Variants in MYO10 observed in about 807,000 individuals in gnomAD.
The protein encoded by MYO10 is myosin X.
In MYO10, 133 loss-of-function variants were observed where a neutral mutation model predicts 257.3. The observed-to-expected ratio is 0.52, with a 90% CI of 0.45 to 0.60. MYO10 has a LOEUF of 0.60. Ranked by LOEUF, MYO10 falls within the 20% of genes least tolerant of loss-of-function variation. The pLI is 0.00. For synonymous variants in MYO10, 1,104 were observed against 1,028.6 expected (o/e 1.07, Z -1.40); for missense variants, 2,399 against 2,635.7 (o/e 0.91, Z 1.97).
chr5:16,793,677 C>G (rs1741839618), intron 4 of MYO10, among the ~76,000 whole-genome samples: 1 of 152,122 alleles, frequency 6.6e-6, no homozygotes, highest in African/African-American at 2.4e-5. Context: ...CGCCTGTAAT[C>G]CCAGCACTTT....
rs769243998 is a variant in MYO10 at position 16,725,404 on chromosome 5, A to G, written c.1930-14159T>C. Reference sequence around the variant, plus strand: ...CCACTGTGCCCAGCCAAAATACTACATCTTAAATTGAAAATCGAGTAATAA... The same window carrying G: ...CCACTGTGCCCAGCCAAAATACTACGTCTTAAATTGAAAATCGAGTAATAA... On this transcript the variant is annotated intron_variant, in intron 19 of 40. Transcript: ENST00000513610. 6.1e-4 allele frequency among the ~76,000 whole-genome samples: 93 copies of G among 152,060 alleles called. 1 individual carries two copies. Among genetic ancestry groups the G allele is most frequent in the Non-Finnish European group, 9.3e-4 (63 of 67,970 alleles).
At chr5:16,815,221 T>C (rs1742567786) in intron 3 of MYO10, 2 of 471,316 alleles carry the variant, frequency 4.2e-6, no homozygotes, top group Non-Finnish European at 3.7e-6. Context: ...TTTCAAAATA[T>C]AGATTGAGCA....
At chr5:16,930,805 C>T (rs1325936631) in intron 1 of MYO10, among the ~76,000 whole-genome samples, 2 of 152,154 alleles carry the variant, frequency 1.3e-5, no homozygotes, top group Non-Finnish European at 2.9e-5. Flanking sequence ...GGGAGCCAAG[C>T]GCTACTGCTA....
At chr5:16,846,569 C>A (rs911768371) in intron 2 of MYO10, among the ~76,000 whole-genome samples, 4 of 152,172 alleles carry the variant, frequency 2.6e-5, no homozygotes, top group Non-Finnish European at 5.9e-5. Flanking sequence ...ATAGTTGAAA[C>A]CGGTTGAGAA....
intron 19 of MYO10, among the ~76,000 whole-genome samples, chr5:16,727,875 C>CAAAAAAA (rs527975903): frequency 1.1e-5 from 1 of 93,984 alleles, no homozygotes; most frequent in African/African-American, 3.5e-5. Flanking sequence ...CCCCCCAGCC[C>CAAAAAAA]AAAAAAAAAA....
At position 16,676,038 on chromosome 5, in the gene MYO10, A is replaced by AT; in HGVS notation, c.4658dup (p.Asn1553LysfsTer16). 6.2e-7 allele frequency: 1 copy of AT among 1,607,950 alleles called. No homozygotes were observed. Among genetic ancestry groups the AT allele is most frequent in the Non-Finnish European group, 8.5e-7 (1 of 1,178,080 alleles). ...GTGGAGCTCTGGACTTACAGTTGAG[A>AT]TTTATGTCCCCATACGGAAGGGGCA... On this transcript the variant is annotated frameshift_variant, in exon 34 of 41. Transcript: ENST00000513610. LOFTEE classifies it high-confidence loss of function.
chr5:16,925,127 G>A (rs576151610), intron 1 of MYO10, among the ~76,000 whole-genome samples: 19 of 152,050 alleles, frequency 1.2e-4, no homozygotes, highest in Non-Finnish European at 2.4e-4. Context: ...CACTGCACCC[G>A]GCCTATCACT....
intron 2 of MYO10, among the ~76,000 whole-genome samples, chr5:16,841,898 G>T (rs866151886): frequency 1.7e-4 from 25 of 151,256 alleles, no homozygotes; most frequent in African/African-American, 5.8e-4. Context: ...TTACGGTTAT[G>T]TTTCAAACAC....
chr5:16,821,271 G>A (rs1742800551), intron 2 of MYO10, among the ~76,000 whole-genome samples: 1 of 148,406 alleles, frequency 6.7e-6, no homozygotes, highest in African/African-American at 2.5e-5. Context: ...CCTCCTATGT[G>A]TACATCCTAT....
intron 36 of MYO10, among the ~76,000 whole-genome samples, chr5:16,673,211 A>C (rs1579793452): frequency 6.7e-6 from 1 of 148,430 alleles, no homozygotes; most frequent in African/African-American, 2.5e-5. Flanking sequence ...TTTCCATAAG[A>C]AGCCTTGGGG....
chr5:16,736,775 C>T (rs1739821771), intron 19 of MYO10, among the ~76,000 whole-genome samples: 1 of 152,184 alleles, frequency 6.6e-6, no homozygotes, highest in Non-Finnish European at 1.5e-5. Flanking sequence ...AATTTTCCTT[C>T]TGCAATTCCT....
In MYO10 at chr5:16,719,701, C is replaced by T. The variant is rs182378277; in HGVS notation, c.1930-8456G>A. On this transcript the variant is annotated intron_variant, in intron 19 of 40. Transcript: ENST00000513610. ...TATTTGGGCCAGGCACGGTGGCTCACGCCTATAATCCCAGCACTTTGGGAG... is the reference window on the plus strand; with the variant it reads ...TATTTGGGCCAGGCACGGTGGCTCATGCCTATAATCCCAGCACTTTGGGAG... Among the ~76,000 whole-genome samples, 9 of 152,288 alleles carry T rather than the reference C, an allele frequency of 5.9e-5. No individual in the cohort carries two copies. The South Asian group carries it at 6.2e-4, about 11-fold the overall frequency.
chr5:16,702,947 T>C lies in MYO10; in HGVS notation c.2488A>G (p.Lys830Glu), dbSNP rs2126556168. Residue 830 changes from lysine to glutamate, a missense_variant, in exon 23 of 41, where the codon AAG becomes GAG. Lys to Glu is a moderately conservative substitution (Grantham distance 56, BLOSUM62 1). Around this residue, in one of 3 missense-constraint regions of MYO10, gnomAD observed 1,820 missense variants for 1,939.4 expected, o/e 0.94. Transcript: ENST00000513610. Reference sequence around the variant, plus strand: ...TACCTTTCTTCTTCCTCCCGTTTCTTCTTTTCTTCCTCTTCCTGTTTCTTC... The same window carrying C: ...TACCTTTCTTCTTCCTCCCGTTTCTCCTTTTCTTCCTCTTCCTGTTTCTTC... ...EKKKQEEEEK[K>E]KREEEERERE... 1 of 1,551,680 alleles carries C rather than the reference T, an allele frequency of 6.4e-7. No individual in the cohort carries two copies. Among genetic ancestry groups the C allele is most frequent in the East Asian group, 2.4e-5 (1 of 40,914 alleles).
intron 4 of MYO10, among the ~76,000 whole-genome samples, chr5:16,792,130 CACAGAGAGAGAGAGAGAGAG>C (rs1327887292): frequency 2.5e-5 from 2 of 80,608 alleles, no homozygotes; most frequent in Admixed American, 2.5e-4. Context: ...CACACACACA[CACAGAGAGAGAGAGAGAGAG>C]AGAGAGAGAG....
chr5:16,904,688 G>A (rs1745472906), intron 1 of MYO10, among the ~76,000 whole-genome samples: 1 of 152,158 alleles, frequency 6.6e-6, no homozygotes, highest in Non-Finnish European at 1.5e-5. Flanking sequence ...CCAGCACTTT[G>A]GGAGGCCGAG....
At chr5:16,741,912 G>A (rs750338234) in intron 19 of MYO10, 220 of 985,210 alleles carry the variant, frequency 2.2e-4, no homozygotes, top group Non-Finnish European at 2.6e-4. Flanking sequence ...GGCTTTCTTC[G>A]GCTGGCTGGT....
intron 1 of MYO10, among the ~76,000 whole-genome samples, chr5:16,925,546 G>C (rs933718060): frequency 2.0e-5 from 3 of 152,102 alleles, no homozygotes; most frequent in African/African-American, 7.2e-5. Flanking sequence ...CAAGTAGCTG[G>C]GATTACAGGC....
chr5:16,665,608 C>T lies in MYO10; in HGVS notation c.*1084G>A, dbSNP rs985748586. On this transcript the variant is annotated 3_prime_UTR_variant, in exon 41 of 41. Coordinates refer to ENST00000513610, the MANE Select transcript of MYO10 (RefSeq NM_012334.3). ...TTGAAGATTCACTCAAGTGTTAAGACGTTTCTGGAATGCAGCGTCTCTCCC... is the reference window on the plus strand; with the variant it reads ...TTGAAGATTCACTCAAGTGTTAAGATGTTTCTGGAATGCAGCGTCTCTCCC... The T allele has an allele frequency of 3.9e-4, 60 of 152,222 alleles. No individual in the cohort carries two copies. Among genetic ancestry groups the T allele is most frequent in the African/African-American group, 1.4e-3 (58 of 41,454 alleles). The allele number at this position is 152,222 out of a possible 1,614,324, so 9.4% of individuals were successfully genotyped here.
intron 2 of MYO10, among the ~76,000 whole-genome samples, chr5:16,859,183 A>C (rs1383059943): frequency 6.6e-6 from 1 of 152,170 alleles, no homozygotes; most frequent in African/African-American, 2.4e-5. Flanking sequence ...CACAGACTGG[A>C]TGGCTAATTA....
Sources: gnomAD v4.1 joint callset for allele counts (sites outside exome capture counted in the v4.1 genomes callset) on GRCh38, gnomAD v4.1.1 for gene constraint, gnomAD v4.1.1 regional missense constraint, MANE v1.5 for transcripts, NCBI Gene and HGNC (gene_info 2026-07-23, HGNC 2026-07-21) for gene names.